Variants in SPATA13 observed in about 807,000 individuals in gnomAD.
The protein encoded by SPATA13 is spermatogenesis associated 13.
In SPATA13, 50 loss-of-function variants were observed where a neutral mutation model predicts 104.0. That is an observed-to-expected ratio of 0.48 (90% confidence interval 0.38 to 0.61). SPATA13 has a LOEUF of 0.61. Among genes scored for constraint, SPATA13 ranks in the 20% least tolerant of loss-of-function variants. The pLI is 0.00. For synonymous variants in SPATA13, 606 were observed against 667.5 expected (o/e 0.91, Z 1.42); for missense variants, 1,524 against 1,690.6 (o/e 0.90, Z 1.73).
chr13:24,144,305 G>A (rs1881861048), intron 3 of SPATA13, among the ~76,000 whole-genome samples: 1 of 152,110 alleles, frequency 6.6e-6, no homozygotes, highest in African/African-American at 2.4e-5. Context: ...GCGAGAGCGG[G>A]TACTCATCTT....
intron 4 of SPATA13, among the ~76,000 whole-genome samples, chr13:24,262,960 A>G (rs573220586): frequency 6.6e-6 from 1 of 152,012 alleles, no homozygotes; most frequent in African/African-American, 2.4e-5. Context: ...GGTTATTTTA[A>G]AAAAAAAGAA....
rs75671627 is a variant in SPATA13 at position 24,038,581 on chromosome 13, G to A, written c.-112+20880G>A. ...CAGCAGACGTCTTCGGTAAAGTGCC[G>A]AGAGTAAGGATTTTAGGCTCTGCAG... is the stretch of plus-strand genomic sequence containing the variant. On this transcript the variant is annotated intron_variant, in intron 3 of 14. Transcript: ENST00000424834. Among the ~76,000 whole-genome samples the A allele has an allele frequency of 6.4e-3, 981 of 152,276 alleles. 35 individuals carry two copies. The highest frequency in any genetic ancestry group is 0.053 in the Admixed American group (815 of 15,286).
intron 2 of SPATA13, among the ~76,000 whole-genome samples, chr13:24,001,348 G>A (rs1016354588): frequency 6.6e-6 from 1 of 152,160 alleles, no homozygotes; most frequent in African/African-American, 2.4e-5. Flanking sequence ...TGGGAAGGCT[G>A]CAGGAGTGGA....
chr13:23,984,857 A>G (rs1427216271), intron 2 of SPATA13, among the ~76,000 whole-genome samples: 1 of 152,218 alleles, frequency 6.6e-6, no homozygotes, highest in African/African-American at 2.4e-5. Context: ...TGGAGTTTGA[A>G]AAGTCAGCTT....
At chr13:24,179,090 G>A (rs555306666) in intron 1 of SPATA13, among the ~76,000 whole-genome samples, 1 of 152,284 alleles carries the variant, frequency 6.6e-6, no homozygotes, top group African/African-American at 2.4e-5. Context: ...GATCCCTGTG[G>A]TAGCATGAAT....
rs1227561429 is a variant in SPATA13 at position 24,286,189 on chromosome 13, A to T, written c.2302-25A>T. The T allele has an allele frequency of 6.3e-7, 1 of 1,592,704 alleles. No individual in the cohort carries two copies. Among genetic ancestry groups the T allele is most frequent in the African/African-American group, 1.3e-5 (1 of 74,472 alleles). The stretch of plus-strand genomic sequence containing the variant: ...TCCCGCCCACTCGTGCTCTATGCTG[A>T]GCGCACCCCACTGTCTCCTTTCAGC... On this transcript the variant is annotated intron_variant, in intron 5 of 12. Transcript: ENST00000382108. This position sits in a 1 kb window ranked among gnomAD's most constrained non-coding sequence, Gnocchi z 4.9.
At chr13:24,005,270 G>C (rs1024457482) in intron 2 of SPATA13, among the ~76,000 whole-genome samples, 1 of 152,134 alleles carries the variant, frequency 6.6e-6, no homozygotes, top group Non-Finnish European at 1.5e-5. Context: ...AATTTTTACC[G>C]TGTTTGCTAA....
intron 2 of SPATA13, among the ~76,000 whole-genome samples, chr13:24,228,505 G>A (rs1177254684): frequency 9.9e-5 from 15 of 152,112 alleles, no homozygotes; most frequent in Admixed American, 9.8e-4. Flanking sequence ...GGGAATGTTC[G>A]GTGTTACTTG....
chr13:24,233,829 G>T (rs1184287020), intron 2 of SPATA13, among the ~76,000 whole-genome samples: 1 of 151,874 alleles, frequency 6.6e-6, no homozygotes, highest in East Asian at 1.9e-4. Flanking sequence ...AGCCAAAGCT[G>T]CGGAATCCCG....
chr13:24,150,022 G>A (rs771568782), intron 3 of SPATA13, among the ~76,000 whole-genome samples: 17 of 152,076 alleles, frequency 1.1e-4, no homozygotes, highest in Admixed American at 8.5e-4. Context: ...AGAGTCGGGG[G>A]ACTGTCCCAC....
intron 3 of SPATA13, among the ~76,000 whole-genome samples, chr13:24,096,761 C>T (rs1448624606): frequency 6.6e-6 from 1 of 152,110 alleles, no homozygotes; most frequent in Non-Finnish European, 1.5e-5. Context: ...TGCCCCAGGG[C>T]AGAGCCCTGC....
chr13:24,148,979 G>A (rs912585567), intron 3 of SPATA13, among the ~76,000 whole-genome samples: 2 of 152,190 alleles, frequency 1.3e-5, no homozygotes, highest in Non-Finnish European at 2.9e-5. Flanking sequence ...CTGTGACTCA[G>A]GGTTGGTGAC....
At chr13:24,106,550 C>G (rs1325904473) in intron 3 of SPATA13, among the ~76,000 whole-genome samples, 1 of 152,196 alleles carries the variant, frequency 6.6e-6, no homozygotes, top group Non-Finnish European at 1.5e-5. Flanking sequence ...AGGTGCATTG[C>G]TCAGCAGTGG....
chr13:24,021,214 G>C (rs752817482), intron 3 of SPATA13, among the ~76,000 whole-genome samples: 15 of 152,242 alleles, frequency 9.9e-5, no homozygotes, highest in Non-Finnish European at 1.5e-4. Context: ...GAGCATTTCT[G>C]GGAGTTGACA....
At chr13:24,108,665 G>GC (rs1566105999) in intron 3 of SPATA13, among the ~76,000 whole-genome samples, 2 of 152,082 alleles carry the variant, frequency 1.3e-5, no homozygotes, top group East Asian at 1.9e-4. Flanking sequence ...ATGGTAGGGG[G>GC]GGGGAAGCCT....
At chr13:24,222,585 A>T (rs148820849) in intron 1 of SPATA13, among the ~76,000 whole-genome samples, 534 of 152,124 alleles carry the variant, frequency 3.5e-3, no homozygotes, top group South Asian at 7.7e-3. Context: ...TGAGCTCAGG[A>T]GTTTACCTTC....
Position 24,223,896 on chromosome 13 carries a change from C to G in SPATA13, c.967C>G (p.Leu323Val), listed in dbSNP as rs1405103948. 1 of 1,551,658 alleles carries G rather than the reference C, an allele frequency of 6.4e-7. No homozygotes were observed. The highest frequency in any genetic ancestry group is 1.2e-5 in the South Asian group (1 of 84,066). Residue 323 changes from leucine to valine, a missense_variant, in exon 2 of 13, where the codon CTT becomes GTT. Transcript: ENST00000382108. Reference sequence around the variant, plus strand: ...CAAGGACTTTGACAGAGTCTTCAAACTTGTGAGCAATGTGACTGAGGCTGC... The same window carrying G: ...CAAGGACTTTGACAGAGTCTTCAAAGTTGTGAGCAATGTGACTGAGGCTGC... Reference protein sequence around the residue: ...RAKDFDRVFKLVSNVTEAAWR... With the variant: ...RAKDFDRVFKVVSNVTEAAWR...
chr13:24,225,176 C>T (rs928256352), intron 2 of SPATA13, among the ~76,000 whole-genome samples: 4 of 152,260 alleles, frequency 2.6e-5, no homozygotes, highest in African/African-American at 9.6e-5. Context: ...AGCCCAGATC[C>T]CATGCCTGCC....
chr13:24,225,121 G>A (rs763952743), intron 2 of SPATA13, among the ~76,000 whole-genome samples: 38 of 152,220 alleles, frequency 2.5e-4, no homozygotes, highest in Non-Finnish European at 3.5e-4. Flanking sequence ...CACTAGCCTC[G>A]TTCCACCCAT....
Sources: gnomAD v4.1 joint callset for allele counts (sites outside exome capture counted in the v4.1 genomes callset) on GRCh38, gnomAD v4.1.1 for gene constraint, Gnocchi (gnomAD v3.1) non-coding constraint, MANE v1.5 for transcripts, NCBI Gene and HGNC (gene_info 2026-07-23, HGNC 2026-07-21) for gene names.